The following GOSR2 variants were observed in gnomAD, a reference collection of about 807,000 sequenced individuals.
GOSR2 encodes the protein 27 kDa Golgi SNARE protein.
A neutral mutation model predicts 27.9 loss-of-function variants in GOSR2; 20 were observed. That is an observed-to-expected ratio of 0.72 (90% confidence interval 0.50 to 1.04). GOSR2 has a LOEUF of 1.04. Ranked by LOEUF, GOSR2 falls within the 50% of genes least tolerant of loss-of-function variation. GOSR2 has a pLI of 0.00. For missense variants in GOSR2, 261 were observed against 270.5 expected (o/e 0.97, Z 0.25); for synonymous variants, 91 against 98.8 (o/e 0.92, Z 0.47).
chr17:46,955,902 G>A (rs2090674392), intron 6 of GOSR2, among the ~76,000 whole-genome samples: 4 of 152,100 alleles, frequency 2.6e-5, no homozygotes, highest in Admixed American at 2.6e-4. Context: ...CAAGAGCTGT[G>A]TCTCCATCAG....
chr17:46,957,772 C>T (rs117649023), intron 6 of GOSR2, among the ~76,000 whole-genome samples: 284 of 152,264 alleles, frequency 1.9e-3, no homozygotes, highest in Non-Finnish European at 3.2e-3. Flanking sequence ...TTGGTAGAAG[C>T]AGCGATGGGG....
chr17:46,970,535 C>CAAAAA (rs58781204), downstream of GOSR2, among the ~76,000 whole-genome samples: 8 of 51,192 alleles, frequency 1.6e-4, no homozygotes, highest in African/African-American at 2.7e-4. Context: ...GACTCCATCT[C>CAAAAA]AAAAAAAAAA....
At position 46,923,168 on chromosome 17, in the gene GOSR2, A is replaced by G. The variant is rs1399224867; in HGVS notation, c.-25A>G. ...CGTGTTCCGAGGAAGCCAGAGCCGG[A>G]GCCGTGGCCTGCGGGGCCGGCGACA... On this transcript the variant is annotated 5_prime_UTR_variant, in exon 1 of 6. Transcript: ENST00000640051. 2.0e-6 allele frequency: 3 copies of G among 1,478,262 alleles called. No individual in the cohort carries two copies. The South Asian group carries it at 3.6e-5, about 18-fold the overall frequency. The allele number at this position is 1,478,262 out of a possible 1,614,324, so 91.6% of individuals were successfully genotyped here.
intron 6 of GOSR2, among the ~76,000 whole-genome samples, chr17:46,951,348 G>A (rs778521671): frequency 6.6e-6 from 1 of 152,104 alleles, no homozygotes; most frequent in Non-Finnish European, 1.5e-5. Context: ...CCATTTCCAT[G>A]ACAACAGCAA....
At chr17:46,953,687 C>A (rs554218157) in intron 6 of GOSR2, among the ~76,000 whole-genome samples, 32 of 152,196 alleles carry the variant, frequency 2.1e-4, no homozygotes, top group Non-Finnish European at 4.0e-4. Context: ...GTTCCTATTT[C>A]TCTCCAGCAG....
chr17:46,940,783 A>G lies in GOSR2; in HGVS notation c.*2023A>G. Reference sequence around the variant, plus strand: ...GCCAGTCCTCTAGTTTGGAATAAAAATTGCAGAGGTGGTTTTTGGGTCTTT... The same window carrying G: ...GCCAGTCCTCTAGTTTGGAATAAAAGTTGCAGAGGTGGTTTTTGGGTCTTT... On this transcript the variant is annotated 3_prime_UTR_variant, in exon 6 of 6. Transcript: ENST00000640051. 1 of 1,510,808 alleles carries G rather than the reference A, an allele frequency of 6.6e-7. No homozygotes were observed. The allele number at this position is 1,510,808 out of a possible 1,614,324, so 93.6% of individuals were successfully genotyped here.
chr17:46,931,947 G>A, intron 3 of GOSR2, 120 bp from the exon 4 acceptor site: 1 of 836,174 alleles, frequency 1.2e-6, no homozygotes, highest in Admixed American at 1.7e-5. Context: ...AGGGGGTATA[G>A]TGTGGGGTGG....
intron 6 of GOSR2, chr17:46,948,823 C>G (rs2090118135): frequency 6.6e-6 from 1 of 152,224 alleles, no homozygotes; most frequent in Admixed American, 6.5e-5. Context: ...TTGGGACTGC[C>G]TGGGTTCCCT....
In GOSR2 at chr17:46,960,574, A is replaced by T. The variant is rs556027139; in HGVS notation, c.584-5960A>T. ...AAACTCTACATGAGGATTTATTTGCAATCACCAAAACAGGATACAACCCAA... is the reference window on the plus strand; with the variant it reads ...AAACTCTACATGAGGATTTATTTGCTATCACCAAAACAGGATACAACCCAA... On this transcript the variant is annotated intron_variant, in intron 6 of 6. Transcript: ENST00000573224. 3.3e-5 allele frequency among the ~76,000 whole-genome samples: 5 copies of T among 152,370 alleles called. No homozygotes were observed. In the South Asian group the frequency reaches 1.0e-3, roughly 32 times the overall value.
At position 46,941,043 on chromosome 17, in the gene GOSR2, A is replaced by G. The variant is rs895674554; in HGVS notation, c.*2283A>G. The G allele has an allele frequency of 1.0e-5, 11 of 1,088,078 alleles. No individual in the cohort carries two copies. The East Asian group carries it at 2.0e-4, about 20-fold the overall frequency. 67.4% of individuals were successfully genotyped at this position (1,088,078 alleles called of 1,614,324 possible). A position where few individuals can be genotyped will look rare whatever the true frequency, so the allele number is the denominator to read the frequency against. On this transcript the variant is annotated 3_prime_UTR_variant, in exon 6 of 6. Transcript: ENST00000640051. ...GTGAATTCTTAGGTCGAGCTGATGC[A>G]AGAAACTCCGGTAGCCAGCCTCTGT...
At chr17:46,959,449 AAGG>A (rs2090929858) in intron 6 of GOSR2, among the ~76,000 whole-genome samples, 1 of 152,220 alleles carries the variant, frequency 6.6e-6, no homozygotes, top group Admixed American at 6.5e-5. Flanking sequence ...TCGCTTGAGA[AAGG>A]AGAGTTTTTT....
intron 1 of GOSR2, among the ~76,000 whole-genome samples, chr17:46,927,158 T>G (rs1311177637): frequency 1.3e-5 from 2 of 152,236 alleles, no homozygotes; most frequent in Non-Finnish European, 2.9e-5. Flanking sequence ...AGTGTCATTT[T>G]GTATATTGAT....
chr17:46,932,006 C>G (rs559777443), intron 3 of GOSR2, 61 bp from the exon 4 acceptor site: 2 of 1,497,116 alleles, frequency 1.3e-6, no homozygotes. Context: ...CAAAGCCTGG[C>G]CCCCTCAGAT....
intron 6 of GOSR2, among the ~76,000 whole-genome samples, chr17:46,974,510 G>A (rs1348335159): frequency 3.3e-5 from 5 of 152,290 alleles, no homozygotes; most frequent in African/African-American, 9.6e-5. Context: ...CGAGGCGGGT[G>A]GATCACAAGG....
downstream of GOSR2, among the ~76,000 whole-genome samples, chr17:46,970,823 A>G (rs2091384800): frequency 6.6e-6 from 1 of 152,386 alleles, no homozygotes; most frequent in South Asian, 2.1e-4. Context: ...AACCTTTGTC[A>G]TCATACACTG....
In GOSR2 at chr17:46,938,842, G is replaced by A; in HGVS notation, c.*82G>A. 6.2e-7 allele frequency: 1 copy of A among 1,602,798 alleles called. No individual in the cohort carries two copies. Among genetic ancestry groups the A allele is most frequent in the Non-Finnish European group, 8.5e-7 (1 of 1,176,702 alleles). The stretch of plus-strand genomic sequence containing the variant: ...GTGAAAGAGAGAGGGGGGCCCAGAG[G>A]CCGCCTTTTGAAATGTTTGCCTGTC... On this transcript the variant is annotated 3_prime_UTR_variant, in exon 6 of 6. Coordinates refer to ENST00000640051, the MANE Select transcript of GOSR2 (RefSeq NM_004287.5).
intron 6 of GOSR2, among the ~76,000 whole-genome samples, chr17:46,959,874 A>C (rs1192102317): frequency 6.6e-6 from 1 of 152,172 alleles, no homozygotes; most frequent in Non-Finnish European, 1.5e-5. Context: ...TCCTGGACTG[A>C]GCAGGAAGAC....
At chr17:46,929,646 G>A in intron 2 of GOSR2, 62 bp downstream of exon 2, 2 of 845,670 alleles carry the variant, frequency 2.4e-6, no homozygotes, top group Admixed American at 1.7e-5. Context: ...AATGGGCTGG[G>A]CTTCCTGACT....
At chr17:46,957,633 CAAACAA>C (rs2090805578) in intron 6 of GOSR2, among the ~76,000 whole-genome samples, 1 of 152,030 alleles carries the variant, frequency 6.6e-6, no homozygotes, top group African/African-American at 2.4e-5. Flanking sequence ...AACAAACAAA[CAAACAA>C]AACCCAGACA....
Sources: gnomAD v4.1 joint callset for allele counts (sites outside exome capture counted in the v4.1 genomes callset) on GRCh38, gnomAD v4.1.1 for gene constraint, MANE v1.5 for transcripts, NCBI Gene and HGNC (gene_info 2026-07-23, HGNC 2026-07-21) for gene names.